Variants in SMOC1 observed in about 807,000 individuals in gnomAD.
SMOC1 encodes the protein SPARC-related modular calcium-binding protein 1.
Under a neutral mutation model 56.3 loss-of-function variants are expected in SMOC1, and 22 were observed. The observed-to-expected ratio is 0.39, with a 90% CI of 0.28 to 0.56. SMOC1 has a LOEUF of 0.56. Ranked by LOEUF, SMOC1 falls within the 20% of genes least tolerant of loss-of-function variation. SMOC1 has a pLI of 0.61. For missense variants in SMOC1, 509 were observed against 565.4 expected (o/e 0.90, Z 1.01); for synonymous variants, 193 against 215.0 (o/e 0.90, Z 0.89).
intron 1 of SMOC1, chr14:69,885,381 T>A: frequency 6.3e-7 from 1 of 1,598,852 alleles, no homozygotes; most frequent in African/African-American, 1.3e-5. Flanking sequence ...TTTGCCTTTT[T>A]GCGCTTGGCG....
chr14:70,003,633 G>A (rs1336941657), intron 7 of SMOC1, among the ~76,000 whole-genome samples: 2 of 152,156 alleles, frequency 1.3e-5, no homozygotes, highest in Admixed American at 6.5e-5. Flanking sequence ...CCAGAGACGG[G>A]TGTGGTGAAG....
At chr14:69,902,987 G>A (rs544763929) in intron 1 of SMOC1, among the ~76,000 whole-genome samples, 17 of 152,194 alleles carry the variant, frequency 1.1e-4, no homozygotes, top group South Asian at 6.3e-4. Context: ...CCTCCCAGCC[G>A]CCTGCCTTGG....
rs545305714 is a variant in SMOC1, at chr14:70,005,100, A to G, written c.665-5654A>G. Among the ~76,000 whole-genome samples, 7 of 152,376 alleles carry G rather than the reference A, an allele frequency of 4.6e-5. No homozygotes were observed. In the South Asian group the frequency reaches 8.3e-4, roughly 18 times the overall value. ...CTCCTCTGGAAGGCAGTGTCTAGAA[A>G]GAAAGGCCAGCCCAAAGATCTGAAA... On this transcript the variant is annotated intron_variant, in intron 7 of 11. Transcript: ENST00000361956.
chr14:69,880,444 T>TG (rs2139277406), intron 1 of SMOC1, among the ~76,000 whole-genome samples: 1 of 152,262 alleles, frequency 6.6e-6, no homozygotes, highest in Non-Finnish European at 1.5e-5. Context: ...CGTTGAACCT[T>TG]GGTCTGATTG....
chr14:69,897,071 C>G (rs577748805), intron 1 of SMOC1, among the ~76,000 whole-genome samples: 2 of 152,214 alleles, frequency 1.3e-5, no homozygotes, highest in South Asian at 4.2e-4. Context: ...AGTGACTGTT[C>G]GATATGTTCC....
chr14:69,978,176 G>A (rs1027849588), intron 5 of SMOC1: 21 of 617,842 alleles, frequency 3.4e-5, no homozygotes, highest in Middle Eastern at 2.8e-4. Context: ...TTTCCCAAGG[G>A]AGGTGACTGA....
intron 5 of SMOC1, among the ~76,000 whole-genome samples, chr14:69,981,325 C>T (rs765484465): frequency 6.6e-5 from 10 of 152,182 alleles, no homozygotes; most frequent in Non-Finnish European, 1.2e-4. Context: ...CTTGGAATGT[C>T]CTTTCCTCAC....
intron 3 of SMOC1, among the ~76,000 whole-genome samples, chr14:69,961,298 A>G (rs1475072694): frequency 1.4e-4 from 19 of 131,588 alleles, no homozygotes; most frequent in East Asian, 4.3e-4. Context: ...ATATATATAT[A>G]TATATATATA....
chr14:69,914,072 A>G (rs1271360175), intron 1 of SMOC1, among the ~76,000 whole-genome samples: 1 of 152,208 alleles, frequency 6.6e-6, no homozygotes, highest in East Asian at 1.9e-4. Context: ...ATCACCAAGG[A>G]ACTTTGAAGA....
chr14:69,903,728 A>T (rs61980620), intron 1 of SMOC1, among the ~76,000 whole-genome samples: 100 of 151,744 alleles, frequency 6.6e-4, no homozygotes, highest in Non-Finnish European at 1.1e-3. Flanking sequence ...AGTCATCACC[A>T]CTCCCTAACC....
At chr14:69,984,165 G>A (rs1179631874) in intron 5 of SMOC1, among the ~76,000 whole-genome samples, 1 of 152,174 alleles carries the variant, frequency 6.6e-6, no homozygotes, top group Non-Finnish European at 1.5e-5. Flanking sequence ...CCCAGAAACA[G>A]ATCCACAAAC....
chr14:69,926,662 A>G (rs1201306038), intron 1 of SMOC1, among the ~76,000 whole-genome samples: 5 of 152,180 alleles, frequency 3.3e-5, no homozygotes. Flanking sequence ...ATTGCTGCGA[A>G]ACCACGTTCC....
At chr14:69,953,601 C>T (rs764344606) in intron 3 of SMOC1, 69 bp downstream of exon 3, 63 of 1,336,040 alleles carry the variant, frequency 4.7e-5, no homozygotes, top group Non-Finnish European at 6.3e-5. Context: ...CCCGAGAGCG[C>T]GAGGGCTGCT....
rs371108080 is a variant in SMOC1, at chr14:69,944,485, A to G, written c.100-7653A>G. 3.3e-5 allele frequency among the ~76,000 whole-genome samples: 5 copies of G among 152,266 alleles called. No homozygotes were observed. The East Asian group carries it at 5.8e-4, about 18-fold the overall frequency. On this transcript the variant is annotated intron_variant, in intron 1 of 11. Transcript: ENST00000361956. Reference sequence around the variant, plus strand: ...TTTCCTTCCAAATAGGCATTTGCAGATTGGACATTTGCAGGTGGAGAAAAC... The same window carrying G: ...TTTCCTTCCAAATAGGCATTTGCAGGTTGGACATTTGCAGGTGGAGAAAAC...
intron 10 of SMOC1, among the ~76,000 whole-genome samples, chr14:70,017,656 T>C (rs2139603284): frequency 6.6e-6 from 1 of 152,246 alleles, no homozygotes; most frequent in Admixed American, 6.5e-5. Context: ...CTGTCAGGCA[T>C]GGAGATGTTG....
intron 1 of SMOC1, among the ~76,000 whole-genome samples, chr14:69,921,356 G>A (rs1884837135): frequency 6.6e-6 from 1 of 152,174 alleles, no homozygotes; most frequent in African/African-American, 2.4e-5. Flanking sequence ...TCCCAGGGGA[G>A]GCTGTTAGGA....
intron 1 of SMOC1, among the ~76,000 whole-genome samples, chr14:69,890,462 AG>A (rs1401256904): frequency 6.6e-6 from 1 of 152,352 alleles, no homozygotes; most frequent in South Asian, 2.1e-4. Flanking sequence ...AATTTCCAAG[AG>A]ATGCATTTTG....
intron 3 of SMOC1, among the ~76,000 whole-genome samples, chr14:69,972,882 AG>A (rs1158758012): frequency 1.3e-5 from 2 of 152,208 alleles, no homozygotes; most frequent in East Asian, 3.9e-4. Flanking sequence ...GCTTAACTGC[AG>A]TGCCTGGCTC....
intron 1 of SMOC1, among the ~76,000 whole-genome samples, chr14:69,947,484 A>G (rs1882828299): frequency 6.6e-6 from 1 of 152,158 alleles, no homozygotes. Flanking sequence ...GTATTTCTTC[A>G]TAGCAATGCA....
Sources: gnomAD v4.1 joint callset for allele counts (sites outside exome capture counted in the v4.1 genomes callset) on GRCh38, gnomAD v4.1.1 for gene constraint, MANE v1.5 for transcripts, NCBI Gene and HGNC (gene_info 2026-07-23, HGNC 2026-07-21) for gene names.